The following DNAJC1 variants were observed in gnomAD, a reference collection of about 807,000 sequenced individuals.
The protein encoded by DNAJC1 is DnaJ heat shock protein family (Hsp40) member C1, also known as dnaJ homolog subfamily C member 1.
A neutral mutation model predicts 76.6 loss-of-function variants in DNAJC1; 58 were observed. That is an observed-to-expected ratio of 0.76 (90% CI 0.61 to 0.94). DNAJC1 has a LOEUF of 0.94. Ranked by LOEUF, DNAJC1 falls within the 40% of genes least tolerant of loss-of-function variation. The probability of loss-of-function intolerance (pLI) is 0.00; values close to 1 mark genes in which losing one functional copy is unlikely to be tolerated. For synonymous variants in DNAJC1, 258 were observed against 267.9 expected (o/e 0.96, Z 0.36); for missense variants, 689 against 677.3 (o/e 1.02, Z -0.19).
chr10:21,854,366 A>C (rs1471926498), intron 8 of DNAJC1, among the ~76,000 whole-genome samples: 7 of 151,854 alleles, frequency 4.6e-5, no homozygotes, highest in Non-Finnish European at 7.4e-5. Context: ...AAAAAAAAAA[A>C]AAAACTGTTT....
intron 8 of DNAJC1, among the ~76,000 whole-genome samples, chr10:21,814,067 G>C (rs1054352705): frequency 2.0e-5 from 3 of 152,172 alleles, no homozygotes; most frequent in Non-Finnish European, 4.4e-5. Context: ...ATGAGGATGG[G>C]ATTCTCACAG....
intron 1 of DNAJC1, among the ~76,000 whole-genome samples, chr10:21,968,732 A>G (rs1018026594): frequency 6.6e-6 from 1 of 151,944 alleles, no homozygotes; most frequent in African/African-American, 2.4e-5. Flanking sequence ...GGATGGTCTC[A>G]ATCTCCTGAC....
In DNAJC1 at chr10:21,882,356, C is replaced by G. The variant is rs756648140; in HGVS notation, c.904G>C (p.Gly302Arg). Residue 302 changes from glycine to arginine, a missense_variant, in exon 8 of 12, where the codon GGA (glycine) becomes CGA (arginine). Gly to Arg is a moderately radical substitution (Grantham distance 125, BLOSUM62 -2). Coordinates refer to ENST00000376980, the MANE Select transcript of DNAJC1 (RefSeq NM_022365.4). ...ETTYIQSYDHGTSIEEIEEQM... is the reference protein window; with the variant it reads ...ETTYIQSYDHRTSIEEIEEQM... ...TCCTCAATTTCTTCTATGGAAGTTC[C>G]ATGATCATAAGACTGAATATATGTA... is the stretch of plus-strand genomic sequence containing the variant. 1 of 1,601,116 alleles carries G rather than the reference C, an allele frequency of 6.2e-7. No homozygotes were observed. Among genetic ancestry groups the G allele is most frequent in the Non-Finnish European group, 8.5e-7 (1 of 1,175,602 alleles).
intron 8 of DNAJC1, among the ~76,000 whole-genome samples, chr10:21,864,483 G>A (rs1031493988): frequency 5.9e-5 from 9 of 151,684 alleles, no homozygotes; most frequent in South Asian, 2.1e-4. Context: ...CTAGCCGAGC[G>A]TGGTGGCATG....
At chr10:21,779,248 T>C (rs1017432657) in intron 9 of DNAJC1, among the ~76,000 whole-genome samples, 3 of 152,156 alleles carry the variant, frequency 2.0e-5, no homozygotes, top group African/African-American at 7.2e-5. Context: ...AAGAGAGTAG[T>C]GGTTCTCCCA....
intron 1 of DNAJC1, among the ~76,000 whole-genome samples, chr10:21,984,819 T>A (rs1424077243): frequency 6.6e-6 from 1 of 152,146 alleles, no homozygotes; most frequent in Admixed American, 6.5e-5. Context: ...ACTAAAAACA[T>A]AGTGAGACCA....
intron 7 of DNAJC1, among the ~76,000 whole-genome samples, chr10:21,884,979 T>A (rs1048192259): frequency 6.6e-6 from 1 of 152,054 alleles, no homozygotes; most frequent in Non-Finnish European, 1.5e-5. Context: ...TATAACCAGC[T>A]AACAATACAA....
At chr10:21,841,119 T>C (rs143106434) in intron 8 of DNAJC1, among the ~76,000 whole-genome samples, 5,438 of 152,190 alleles carry the variant, frequency 0.036, 170 homozygotes, top group African/African-American at 0.07. Flanking sequence ...GGATTAAAGA[T>C]TTAAATGTTA....
intron 8 of DNAJC1, among the ~76,000 whole-genome samples, chr10:21,820,782 A>G (rs531996355): frequency 6.6e-6 from 1 of 152,370 alleles, no homozygotes; most frequent in East Asian, 1.9e-4. Context: ...GGAGTGGCTC[A>G]CACAACCCAG....
At chr10:21,925,755 G>A (rs778689474) in intron 3 of DNAJC1, among the ~76,000 whole-genome samples, 1 of 152,132 alleles carries the variant, frequency 6.6e-6, no homozygotes, top group Non-Finnish European at 1.5e-5. Flanking sequence ...ACACTAAATC[G>A]ATCAGTAATT....
At position 21,935,820 on chromosome 10, in the gene DNAJC1, G is replaced by GA. The variant is rs985913836; in HGVS notation, c.223-6680dup. ...AGGCTAGATGGTAGTAAATTAACAT[G>GA]AAAAAAAAAATCTATCAACCAAGAA... On this transcript the variant is annotated intron_variant, in intron 1 of 11. Coordinates refer to ENST00000376980, the MANE Select transcript of DNAJC1 (RefSeq NM_022365.4). Among the ~76,000 whole-genome samples the GA allele has an allele frequency of 1.8e-3, 268 of 148,268 alleles. 3 individuals carry two copies. Among genetic ancestry groups the GA allele is most frequent in the East Asian group, 6.1e-3 (31 of 5,110 alleles).
At chr10:21,936,215 AGAAGGGACCATCTATGAG>A (rs1220601110) in intron 1 of DNAJC1, among the ~76,000 whole-genome samples, 1 of 152,198 alleles carries the variant, frequency 6.6e-6, no homozygotes, top group Non-Finnish European at 1.5e-5. Flanking sequence ...GAGGACACAT[AGAAGGGACCATCTATGAG>A]GAAGGGGCCC....
chr10:21,779,458 C>G (rs1834498912), intron 9 of DNAJC1, among the ~76,000 whole-genome samples: 1 of 152,208 alleles, frequency 6.6e-6, no homozygotes, highest in Non-Finnish European at 1.5e-5. Flanking sequence ...GTTCTGCAGC[C>G]TCTGCTGGTG....
chr10:21,852,757 CT>C (rs35470482), intron 8 of DNAJC1, among the ~76,000 whole-genome samples: 1,993 of 143,116 alleles, frequency 0.014, 14 homozygotes, highest in Non-Finnish European at 0.02. Context: ...GAAGTACCCA[CT>C]TTTTTTTTTT....
intron 1 of DNAJC1, among the ~76,000 whole-genome samples, chr10:21,932,183 T>C (rs1472157848): frequency 6.6e-6 from 1 of 151,254 alleles, no homozygotes; most frequent in Non-Finnish European, 1.5e-5. Context: ...CAAAAAAAAA[T>C]TGTTTAATTA....
chr10:21,976,841 C>CA (rs1476953505), intron 1 of DNAJC1, among the ~76,000 whole-genome samples: 1 of 152,144 alleles, frequency 6.6e-6, no homozygotes, highest in African/African-American at 2.4e-5. Context: ...GAGGAAGAGA[C>CA]AAACACTGCA....
At position 21,775,868 on chromosome 10, in the gene DNAJC1, T is replaced by C. The variant is rs199708851; in HGVS notation, c.1099-9559A>G. On this transcript the variant is annotated intron_variant, in intron 9 of 11. Transcript: ENST00000376980. ...CTGAGGAACTAATATTGTGGGCTACTGGCTTGGGTGGGCTTTTGGACAGTC... is the reference window on the plus strand; with the variant it reads ...CTGAGGAACTAATATTGTGGGCTACCGGCTTGGGTGGGCTTTTGGACAGTC... Among the ~76,000 whole-genome samples, 6 of 152,268 alleles carry C rather than the reference T, an allele frequency of 3.9e-5. No individual in the cohort carries two copies. The East Asian group carries it at 9.7e-4, about 25-fold the overall frequency.
chr10:21,995,114 A>G (rs1838395214), intron 1 of DNAJC1, among the ~76,000 whole-genome samples: 1 of 152,010 alleles, frequency 6.6e-6, no homozygotes, highest in South Asian at 2.1e-4. Context: ...AAAATTTTCT[A>G]AAAGTCAGAG....
At chr10:21,968,050 C>T (rs1438219081) in intron 1 of DNAJC1, among the ~76,000 whole-genome samples, 1 of 152,170 alleles carries the variant, frequency 6.6e-6, no homozygotes, top group Non-Finnish European at 1.5e-5. Flanking sequence ...CCTTTATTGA[C>T]AGATATTTGA....
Sources: gnomAD v4.1 joint callset for allele counts (sites outside exome capture counted in the v4.1 genomes callset) on GRCh38, gnomAD v4.1.1 for gene constraint, MANE v1.5 for transcripts, NCBI Gene and HGNC (gene_info 2026-07-23, HGNC 2026-07-21) for gene names.